ERG: variants seen among roughly 807,000 people sequenced by gnomAD.
ERG encodes the protein ETS transcription factor ERG.
Under a neutral mutation model 55.3 loss-of-function variants are expected in ERG, and 9 were observed. That is an observed-to-expected ratio of 0.16 (90% CI 0.10 to 0.28). The LOEUF is 0.28. Ranked by LOEUF, ERG falls within the 10% of genes least tolerant of loss-of-function variation. The probability of loss-of-function intolerance (pLI) is 1.00; values close to 1 mark genes in which losing one functional copy is unlikely to be tolerated. For synonymous variants in ERG, 223 were observed against 237.3 expected (o/e 0.94, Z 0.55); for missense variants, 434 against 631.6 (o/e 0.69, Z 3.35).
intron 2 of ERG, among the ~76,000 whole-genome samples, chr21:38,435,743 GT>G (rs1471399537): frequency 6.6e-6 from 1 of 152,164 alleles, no homozygotes; most frequent in African/African-American, 2.4e-5. Context: ...CAGCAAGACC[GT>G]GTTGCTTTTA....
At chr21:38,606,018 TAGAC>T (rs778851108) in intron 1 of ERG, among the ~76,000 whole-genome samples, 1 of 151,978 alleles carries the variant, frequency 6.6e-6, no homozygotes, top group East Asian at 1.9e-4. Flanking sequence ...AGTAGGTCAT[TAGAC>T]AGATGATTGA....
In ERG at chr21:38,403,634, A is replaced by T; in HGVS notation, c.464T>A (p.Val155Asp). The stretch of plus-strand genomic sequence containing the variant: ...GATGTTCTGGAATAACAAGATGTTG[A>T]CGTCTGGAAGGCCATATTCTTTCAC... ...WAVKEYGLPD[V>D]NILLFQNIDG... is the part of the protein sequence containing the mutation. Residue 155 changes from valine to aspartate, a missense_variant, in exon 4 of 10, where the codon GTC becomes GAC. By Grantham distance (152) the Val-to-Asp change is radical. Around this residue, in one of 5 missense-constraint regions of ERG, gnomAD observed 212 missense variants for 262.9 expected, o/e 0.81. Transcript: ENST00000288319. The T allele has an allele frequency of 4.3e-6, 7 of 1,614,070 alleles. No individual in the cohort carries two copies. Among genetic ancestry groups the T allele is most frequent in the Non-Finnish European group, 5.9e-6 (7 of 1,179,992 alleles).
At chr21:38,568,611 T>A (rs192745328) in intron 2 of ERG, among the ~76,000 whole-genome samples, 1 of 152,192 alleles carries the variant, frequency 6.6e-6, no homozygotes, top group Non-Finnish European at 1.5e-5. Flanking sequence ...CTTCCCCACA[T>A]GTGAACAGCA....
chr21:38,550,950 A>G (rs1019053437), intron 2 of ERG, among the ~76,000 whole-genome samples: 3 of 152,268 alleles, frequency 2.0e-5, no homozygotes, highest in African/African-American at 7.2e-5. Context: ...TTTGTACACA[A>G]AAGAATTCAG....
rs74925735 is a variant in ERG, at chr21:38,388,863, C to T, written c.919+2132G>A. Among the ~76,000 whole-genome samples, 22 of 152,296 alleles carry T rather than the reference C, an allele frequency of 1.4e-4. No individual in the cohort carries two copies. In the East Asian group the frequency reaches 4.2e-3, roughly 29 times the overall value. On this transcript the variant is annotated intron_variant, in intron 9 of 9. Transcript: ENST00000288319. ...CGGGCTGCTGGGCCCAGGGCATATG[C>T]AGTGTTCCCTTGTGAAAGCTGGCAC...
chr21:38,442,331 G>A (rs1028104054), intron 2 of ERG, among the ~76,000 whole-genome samples: 1 of 152,146 alleles, frequency 6.6e-6, no homozygotes, highest in Non-Finnish European at 1.5e-5. Flanking sequence ...GGGGGTGGAG[G>A]TTGCAGTAAG....
At chr21:38,555,646 G>A (rs1158820205) in intron 2 of ERG, among the ~76,000 whole-genome samples, 1 of 151,938 alleles carries the variant, frequency 6.6e-6, no homozygotes, top group Non-Finnish European at 1.5e-5. Flanking sequence ...AGGAAATAAA[G>A]AAGAAAAATT....
intron 1 of ERG, among the ~76,000 whole-genome samples, chr21:38,631,798 C>T (rs2060358569): frequency 6.6e-6 from 1 of 152,024 alleles, no homozygotes; most frequent in South Asian, 2.1e-4. Context: ...TCTCCTCTCT[C>T]CTGCCAGGTT....
At chr21:38,392,191 C>T in intron 7 of ERG, 185 bp downstream of exon 7, 1 of 691,886 alleles carries the variant, frequency 1.4e-6, no homozygotes, top group Non-Finnish European at 2.6e-6. Flanking sequence ...TTATGAAAGT[C>T]CTGATGACCC....
chr21:38,489,193 G>C (rs1022830898), intron 1 of ERG, among the ~76,000 whole-genome samples: 4 of 152,208 alleles, frequency 2.6e-5, no homozygotes, highest in Admixed American at 2.6e-4. Context: ...CAGTAAACAT[G>C]TGATCTAAAA....
At chr21:38,435,144 G>C (rs985398820) in intron 2 of ERG, among the ~76,000 whole-genome samples, 5 of 152,140 alleles carry the variant, frequency 3.3e-5, no homozygotes, top group Admixed American at 1.3e-4. Context: ...GCTGGCCCGG[G>C]ACAAGCATTC....
intron 1 of ERG, among the ~76,000 whole-genome samples, chr21:38,637,941 C>T (rs929633968): frequency 6.6e-6 from 1 of 152,196 alleles, no homozygotes; most frequent in African/African-American, 2.4e-5. Context: ...TCCAGGACTA[C>T]ACAAATGTTA....
Position 38,630,282 on chromosome 21 carries a change from A to G in ERG, c.-150+31376T>C, listed in dbSNP as rs577195046. ...ATTTATATTATGTATGTTTTACCAC[A>G]GTAGATTTCTTGTTAATAATGGTGG... is the stretch of plus-strand genomic sequence containing the variant. On this transcript the variant is annotated intron_variant, in intron 1 of 10. Coordinates refer to the ERG transcript ENST00000398910. 3.3e-5 allele frequency among the ~76,000 whole-genome samples: 5 copies of G among 152,320 alleles called. No individual in the cohort carries two copies. The East Asian group carries it at 5.8e-4, about 18-fold the overall frequency.
intron 1 of ERG, among the ~76,000 whole-genome samples, chr21:38,629,487 A>G (rs1352143451): frequency 6.6e-6 from 1 of 152,256 alleles, no homozygotes; most frequent in Non-Finnish European, 1.5e-5. Flanking sequence ...GGCAAAGGAC[A>G]TGAACAGACA....
intron 1 of ERG, among the ~76,000 whole-genome samples, chr21:38,603,480 G>C (rs921546113): frequency 6.6e-6 from 1 of 151,952 alleles, no homozygotes; most frequent in Admixed American, 6.5e-5. Context: ...TTAGCTAGGC[G>C]TGGTGGTGCG....
chr21:38,405,500 G>A (rs1234062298), intron 3 of ERG, among the ~76,000 whole-genome samples: 1 of 152,118 alleles, frequency 6.6e-6, no homozygotes, highest in African/African-American at 2.4e-5. Flanking sequence ...CCCTGGGAGA[G>A]TCTGCTTCAA....
At chr21:38,389,959 G>T (rs1987894335) in intron 9 of ERG, among the ~76,000 whole-genome samples, 1 of 151,148 alleles carries the variant, frequency 6.6e-6, no homozygotes, top group South Asian at 2.1e-4. Context: ...CTCTTGCAGG[G>T]ATGTACACTG....
chr21:38,604,146 C>T lies in ERG; in HGVS notation c.-149-19201G>A, dbSNP rs1397195486. Among the ~76,000 whole-genome samples the T allele has an allele frequency of 3.3e-5, 5 of 150,796 alleles. No homozygotes were observed. In the East Asian group the frequency reaches 5.8e-4, roughly 18 times the overall value. On this transcript the variant is annotated intron_variant, in intron 1 of 10. Coordinates refer to the ERG transcript ENST00000398910. ...CGGGCGCCTGTGGTTCCCAGCTATT[C>T]GGGAGGCTGAGGCAGGAGAATGGCG...
At chr21:38,443,184 C>T (rs1462625404) in intron 2 of ERG, among the ~76,000 whole-genome samples, 1 of 152,232 alleles carries the variant, frequency 6.6e-6, no homozygotes, top group Non-Finnish European at 1.5e-5. Flanking sequence ...GCACTGTTCT[C>T]GCCTCCTCAC....
Sources: gnomAD v4.1 joint callset for allele counts (sites outside exome capture counted in the v4.1 genomes callset) on GRCh38, gnomAD v4.1.1 for gene constraint, gnomAD v4.1.1 regional missense constraint, MANE v1.5 for transcripts, NCBI Gene and HGNC (gene_info 2026-07-23, HGNC 2026-07-21) for gene names.